Variants in DTNA observed in about 807,000 individuals in gnomAD.
DTNA encodes the protein dystrophin-related protein 3.
Under a neutral mutation model 100.7 loss-of-function variants are expected in DTNA, and 43 were observed. The observed-to-expected ratio is 0.43, with a 90% CI of 0.33 to 0.55. DTNA has a LOEUF of 0.55. Among genes scored for constraint, DTNA ranks in the 20% least tolerant of loss-of-function variants. The pLI is 0.04. For missense variants in DTNA, 798 were observed against 953.9 expected, an observed-to-expected ratio of 0.84 and a Z score of 2.15; for synonymous variants, 349 against 347.9, an observed-to-expected ratio of 1.00 and a Z score of -0.04.
At position 34,782,715 on chromosome 18, in the gene DTNA, T is replaced by C. The variant is rs999981836; in HGVS notation, c.149-11322T>C. On this transcript the variant is annotated intron_variant, in intron 3 of 22. Transcript: ENST00000444659. ...CAGTGTGGCTAGAGCATAGGACTCT[T>C]GGAAGAAGCTGGAGAATAGTGGGAG... Among the ~76,000 whole-genome samples the C allele has an allele frequency of 5.3e-5, 8 of 152,166 alleles. No homozygotes were observed. The South Asian group carries it at 1.4e-3, about 28-fold the overall frequency.
chr18:34,689,737 G>A (rs987709784), intron 1 of DTNA, among the ~76,000 whole-genome samples: 1 of 152,210 alleles, frequency 6.6e-6, no homozygotes, highest in African/African-American at 2.4e-5. Flanking sequence ...TGCTGAAGCT[G>A]CGCCCACAGC....
chr18:34,609,294 G>A (rs1023070666), intron 1 of DTNA, among the ~76,000 whole-genome samples: 1 of 149,572 alleles, frequency 6.7e-6, no homozygotes, highest in African/African-American at 2.5e-5. Flanking sequence ...ACCCAGGCTG[G>A]AGTGCAGTGG....
intron 1 of DTNA, among the ~76,000 whole-genome samples, chr18:34,537,501 ATAAC>A (rs1000570294): frequency 3.9e-5 from 6 of 151,978 alleles, no homozygotes; most frequent in African/African-American, 1.4e-4. Flanking sequence ...AAAAATATAA[ATAAC>A]ATGTTTTAAA....
At chr18:34,693,647 A>C (rs1365183626) in intron 1 of DTNA, among the ~76,000 whole-genome samples, 1 of 152,172 alleles carries the variant, frequency 6.6e-6, no homozygotes, top group Non-Finnish European at 1.5e-5. Flanking sequence ...TTAATTGAGA[A>C]TTAACCAAAT....
intron 3 of DTNA, among the ~76,000 whole-genome samples, chr18:34,777,372 A>T: frequency 6.6e-6 from 1 of 152,354 alleles, no homozygotes; most frequent in Non-Finnish European, 1.5e-5. Flanking sequence ...TATTAATTTT[A>T]AATGAATAAA....
At chr18:34,497,035 G>A (rs2039320305) in intron 1 of DTNA, among the ~76,000 whole-genome samples, 1 of 152,084 alleles carries the variant, frequency 6.6e-6, no homozygotes, top group African/African-American at 2.4e-5. Context: ...TGGAACATGT[G>A]CTACCTTTAT....
At chr18:34,654,232 A>C (rs1413204703) in intron 1 of DTNA, among the ~76,000 whole-genome samples, 1 of 152,186 alleles carries the variant, frequency 6.6e-6, no homozygotes, top group Non-Finnish European at 1.5e-5. Context: ...TGGCAGGAAG[A>C]CTTTCACCTT....
rs1301132464 is a variant in DTNA at position 34,890,071 on chromosome 18, TG to T, written c.*2338del. On this transcript the variant is annotated 3_prime_UTR_variant, in exon 23 of 23. Coordinates refer to ENST00000444659, the MANE Select transcript of DTNA (RefSeq NM_001386795.1). ...AATCCTGCACGTGGCACTCCACCAC[TG>T]ACTGGACCGAGCTGGCATATGTTGT... 1.3e-5 allele frequency: 18 copies of T among 1,365,638 alleles called. No homozygotes were observed. In the South Asian group the frequency reaches 3.0e-4, roughly 23 times the overall value. The allele number at this position is 1,365,638 out of a possible 1,614,324, so 84.6% of individuals were successfully genotyped here.
intron 1 of DTNA, among the ~76,000 whole-genome samples, chr18:34,712,437 T>C (rs576829834): frequency 6.6e-6 from 1 of 152,268 alleles, no homozygotes; most frequent in South Asian, 2.1e-4. Flanking sequence ...TCTTTGTAGT[T>C]ATGGGCTACC....
chr18:34,502,515 G>T (rs928266426), intron 1 of DTNA, among the ~76,000 whole-genome samples: 1 of 151,988 alleles, frequency 6.6e-6, no homozygotes, highest in Non-Finnish European at 1.5e-5. Flanking sequence ...TTCCCTCTCA[G>T]TTCTGCTGTC....
chr18:34,494,155 C>G (rs2038904213), intron 1 of DTNA: 1 of 152,026 alleles, frequency 6.6e-6, no homozygotes, highest in Non-Finnish European at 1.5e-5. Flanking sequence ...TGGTCGCTGC[C>G]CTCTTGGTCA....
chr18:34,653,701 T>C (rs1373079690), intron 1 of DTNA, among the ~76,000 whole-genome samples: 1 of 152,096 alleles, frequency 6.6e-6, no homozygotes, highest in African/African-American at 2.4e-5. Context: ...CACACACTTG[T>C]AGTCCCAGCT....
chr18:34,730,751 C>T (rs1203697512), intron 1 of DTNA, among the ~76,000 whole-genome samples: 1 of 152,176 alleles, frequency 6.6e-6, no homozygotes, highest in Non-Finnish European at 1.5e-5. Context: ...TCCTCTCACC[C>T]TAATATCTAT....
At chr18:34,637,223 A>G (rs1009038549) in intron 1 of DTNA, among the ~76,000 whole-genome samples, 1 of 152,156 alleles carries the variant, frequency 6.6e-6, no homozygotes, top group Non-Finnish European at 1.5e-5. Flanking sequence ...CCCTACATAT[A>G]ATTTGTTTCA....
At chr18:34,879,757 A>C in intron 20 of DTNA, 38 bp downstream of exon 20, 1 of 1,612,758 alleles carries the variant, frequency 6.2e-7, no homozygotes, top group African/African-American at 1.3e-5. Flanking sequence ...TCTCAGTAAC[A>C]AAACAATCTG....
intron 5 of DTNA, among the ~76,000 whole-genome samples, chr18:34,807,608 G>C (rs2095393852): frequency 6.6e-6 from 1 of 152,082 alleles, no homozygotes; most frequent in South Asian, 2.1e-4. Context: ...CAGTGGACCA[G>C]TAAGTAAGTG....
chr18:34,506,977 A>C (rs1269799217), intron 1 of DTNA, among the ~76,000 whole-genome samples: 1 of 152,254 alleles, frequency 6.6e-6, no homozygotes, highest in Non-Finnish European at 1.5e-5. Flanking sequence ...CAGAGGATAA[A>C]CCTCAGAGGG....
At chr18:34,591,323 C>G (rs968426713) in intron 1 of DTNA, among the ~76,000 whole-genome samples, 1 of 152,072 alleles carries the variant, frequency 6.6e-6, no homozygotes. Context: ...GTATTTTTCC[C>G]AAGACAAATA....
chr18:34,881,444 T>TTTTTTTTTTTTTTTTTG, intron 20 of DTNA, among the ~76,000 whole-genome samples: 1 of 144,338 alleles, frequency 6.9e-6, no homozygotes, highest in Non-Finnish European at 1.5e-5. Context: ...ATGCTTTTTT[T>TTTTTTTTTTTTTTTTTG]TTTTTTTTTT....
Sources: allele counts gnomAD v4.1 joint callset (sites outside exome capture counted in the v4.1 genomes callset), GRCh38; gene constraint gnomAD v4.1.1; transcripts MANE v1.5; gene names NCBI Gene and HGNC (gene_info 2026-07-23, HGNC 2026-07-21).